Variants in IPO7 observed in about 807,000 individuals in gnomAD.
The protein encoded by IPO7 is importin 7, also known as importin-7.
Under a neutral mutation model 136.4 loss-of-function variants are expected in IPO7, and 13 were observed. The observed-to-expected ratio is 0.10, with a 90% CI of 0.06 to 0.15. IPO7 has a LOEUF of 0.15. Among genes scored for constraint, IPO7 ranks in the 10% least tolerant of loss-of-function variants. IPO7 has a pLI of 1.00. For synonymous variants in IPO7, 403 were observed against 404.4 expected (o/e 1.00, Z 0.04); for missense variants, 857 against 1,240.6 (o/e 0.69, Z 4.65).
intron 12 of IPO7, among the ~76,000 whole-genome samples, chr11:9,426,537 T>C (rs1219076222): frequency 6.6e-6 from 1 of 152,200 alleles, no homozygotes; most frequent in Non-Finnish European, 1.5e-5. Context: ...TATGAATTGC[T>C]TGTCATAATT....
intron 1 of IPO7, among the ~76,000 whole-genome samples, chr11:9,390,110 C>T (rs1230334113): frequency 2.0e-5 from 3 of 152,082 alleles, no homozygotes; most frequent in Non-Finnish European, 4.4e-5. Flanking sequence ...AGGCTGGTCT[C>T]GAACTCCTGA....
chr11:9,417,466 G>A (rs1311176751), intron 6 of IPO7, among the ~76,000 whole-genome samples: 1 of 152,030 alleles, frequency 6.6e-6, no homozygotes, highest in Non-Finnish European at 1.5e-5. Flanking sequence ...TCTTAGCCTA[G>A]TTAATTTGTC....
In IPO7 at chr11:9,433,794, A is replaced by G; in HGVS notation, c.2022A>G (p.Leu674=). Residue 674 remains leucine, a synonymous_variant, in exon 18 of 25, where the codon CTA becomes CTG. Transcript: ENST00000379719. ...AAGTGTCTCCACAGATGTGGCAGCTACTACCCCTTGTATTTGAAGTCTTTC... is the reference window on the plus strand; with the variant it reads ...AAGTGTCTCCACAGATGTGGCAGCTGCTACCCCTTGTATTTGAAGTCTTTC... ...CQQVSPQMWQ[L]LPLVFEVFQQ... 1 of 1,611,784 alleles carries G rather than the reference A, an allele frequency of 6.2e-7. No individual in the cohort carries two copies. Among genetic ancestry groups the G allele is most frequent in the Admixed American group, 1.7e-5 (1 of 60,018 alleles).
chr11:9,417,774 G>A (rs1184713017), intron 6 of IPO7, among the ~76,000 whole-genome samples: 2 of 149,922 alleles, frequency 1.3e-5, no homozygotes, highest in Admixed American at 6.7e-5. Context: ...GTGCAGTGGC[G>A]CAATCTCGGC....
At chr11:9,419,559 A>AAAATATATAT (rs1256216265) in intron 6 of IPO7, among the ~76,000 whole-genome samples, 27 of 116,842 alleles carry the variant, frequency 2.3e-4, no homozygotes, top group African/African-American at 9.0e-4. Flanking sequence ...AAAAAAAAAA[A>AAAATATATAT]ATATATATAT....
intron 3 of IPO7, among the ~76,000 whole-genome samples, chr11:9,409,604 CCT>C (rs1854939932): frequency 6.6e-6 from 1 of 151,994 alleles, no homozygotes. Flanking sequence ...GGTCTTGATC[CCT>C]TGACCTTGTG....
At chr11:9,388,943 G>A (rs10840230) in intron 1 of IPO7, among the ~76,000 whole-genome samples, 66,733 of 151,840 alleles carry the variant, frequency 0.44, 17,188 homozygotes, top group Non-Finnish European at 0.58. Context: ...TTTTGTTATT[G>A]TTATTCCTTG....
Position 9,397,332 on chromosome 11 carries a change from T to TAA in IPO7, c.85-5958_85-5957insAA, listed in dbSNP as rs757736784. 4.1e-3 allele frequency among the ~76,000 whole-genome samples: 50 copies of TAA among 12,136 alleles called. 14 individuals are homozygous for TAA. The East Asian group carries it at 0.045, about 11-fold the overall frequency. The allele number at this position is 12,136 out of a possible 152,430, so 8.0% of individuals were successfully genotyped here. On this transcript the variant is annotated intron_variant, in intron 1 of 24. Coordinates refer to ENST00000379719, the MANE Select transcript of IPO7 (RefSeq NM_006391.3). ...AAACCCCGTCTTTACTAAAAATAAT[T>TAA]TAAAAAAAAATATATATATATATAT...
intron 5 of IPO7, among the ~76,000 whole-genome samples, chr11:9,415,602 G>A (rs575037475): frequency 2.0e-5 from 3 of 152,322 alleles, no homozygotes; most frequent in African/African-American, 7.2e-5. Context: ...ACTTTGGGAG[G>A]CCGAGGCGGG....
chr11:9,408,873 C>G (rs1218086278), intron 3 of IPO7, among the ~76,000 whole-genome samples: 1 of 151,494 alleles, frequency 6.6e-6, no homozygotes, highest in Admixed American at 6.6e-5. Context: ...GGCACCACGC[C>G]CAGCTAATTT....
intron 6 of IPO7, among the ~76,000 whole-genome samples, chr11:9,418,869 G>A (rs1364632261): frequency 1.3e-5 from 2 of 152,168 alleles, no homozygotes; most frequent in Non-Finnish European, 2.9e-5. Flanking sequence ...TTAGAACTTA[G>A]TAAGTAATCT....
chr11:9,387,344 G>C (rs1472194605), intron 1 of IPO7, among the ~76,000 whole-genome samples: 1 of 152,010 alleles, frequency 6.6e-6, no homozygotes, highest in East Asian at 1.9e-4. Context: ...TTCTGCCTCA[G>C]AGTCTTTGCA....
intron 22 of IPO7, among the ~76,000 whole-genome samples, chr11:9,438,770 T>C (rs1407160346): frequency 6.6e-6 from 1 of 152,212 alleles, no homozygotes; most frequent in Non-Finnish European, 1.5e-5. Flanking sequence ...ATTACCAACA[T>C]GTAGAACAGT....
rs753170414 is a variant in IPO7 at position 9,437,992 on chromosome 11, A to G, written c.2489+18A>G. On this transcript the variant is annotated intron_variant, in intron 21 of 24. Coordinates refer to ENST00000379719, the MANE Select transcript of IPO7 (RefSeq NM_006391.3). ...TTCTTGGGGTAAGTGATGTATTGCAATTTTACTACATTTGCTTTGGGAGGA... is the reference window on the plus strand; with the variant it reads ...TTCTTGGGGTAAGTGATGTATTGCAGTTTTACTACATTTGCTTTGGGAGGA... 1 of 1,598,050 alleles carries G rather than the reference A, an allele frequency of 6.3e-7. No individual in the cohort carries two copies.
At chr11:9,444,836 C>CA (rs1044435694) in intron 24 of IPO7, among the ~76,000 whole-genome samples, 2,922 of 70,392 alleles carry the variant, frequency 0.042, 98 homozygotes, top group African/African-American at 0.098. Flanking sequence ...GACTCTGTCT[C>CA]AAAAAAAAAA....
Position 9,442,211 on chromosome 11 carries a change from CTG to C in IPO7, c.3019+16_3019+17del, listed in dbSNP as rs771532537. 2.0e-5 allele frequency: 23 copies of C among 1,135,286 alleles called. No individual in the cohort carries two copies. In the African/African-American group the frequency reaches 3.2e-4, roughly 16 times the overall value. 70.3% of individuals were successfully genotyped at this position (1,135,286 alleles called of 1,614,324 possible). On this transcript the variant is annotated intron_variant, in intron 24 of 24. Coordinates refer to ENST00000379719, the MANE Select transcript of IPO7 (RefSeq NM_006391.3). ...GAGCAGCCCATGGTATGTTAATTAA[CTG>C]TAACTCCTCTTTAATTAGTGACTTT...
intron 1 of IPO7, among the ~76,000 whole-genome samples, chr11:9,387,602 C>T (rs1045050825): frequency 6.6e-6 from 1 of 152,222 alleles, no homozygotes; most frequent in African/African-American, 2.4e-5. Flanking sequence ...GAGGCTGAGG[C>T]GGACTGATCA....
intron 1 of IPO7, chr11:9,392,318 C>T (rs1255982781): frequency 3.2e-6 from 1 of 309,784 alleles, no homozygotes; most frequent in Admixed American, 4.3e-5. Flanking sequence ...GCTGGGATTA[C>T]AGGTATGCAT....
intron 4 of IPO7, among the ~76,000 whole-genome samples, chr11:9,413,401 G>A (rs1365684501): frequency 2.0e-5 from 3 of 152,054 alleles, no homozygotes; most frequent in Non-Finnish European, 4.4e-5. Context: ...CTGTTGGTAT[G>A]TAAATTACTT....
Sources: allele counts gnomAD v4.1 joint callset (sites outside exome capture counted in the v4.1 genomes callset), GRCh38; gene constraint gnomAD v4.1.1; transcripts MANE v1.5; gene names NCBI Gene and HGNC (gene_info 2026-07-23, HGNC 2026-07-21).